TSPAN12: variants seen among roughly 807,000 people sequenced by gnomAD.
The protein encoded by TSPAN12 is tetraspanin-12.
TSPAN12 carries 19 observed loss-of-function variants against 39.2 expected under a neutral mutation model. The observed-to-expected ratio is 0.49, with a 90% CI of 0.34 to 0.71. The LOEUF (loss-of-function observed/expected upper bound fraction) is 0.71, where lower values mean the gene tolerates loss of function less well. Ranked by LOEUF, TSPAN12 falls within the 30% of genes least tolerant of loss-of-function variation. TSPAN12 has a pLI of 0.01. For synonymous variants in TSPAN12, 119 were observed against 124.8 expected (o/e 0.95, Z 0.31); for missense variants, 314 against 359.9 (o/e 0.87, Z 1.03).
At chr7:120,792,085 G>A (rs1266530186) in intron 7 of TSPAN12, among the ~76,000 whole-genome samples, 1 of 152,132 alleles carries the variant, frequency 6.6e-6, no homozygotes, top group Non-Finnish European at 1.5e-5. Context: ...AATCTCTTAG[G>A]AACAGCAAGT....
chr7:120,828,601 T>C (rs945802663), intron 4 of TSPAN12, among the ~76,000 whole-genome samples: 6 of 151,858 alleles, frequency 4.0e-5, no homozygotes, highest in African/African-American at 1.5e-4. Context: ...GGTCCCTTTG[T>C]TAAATGTTCT....
intron 7 of TSPAN12, among the ~76,000 whole-genome samples, chr7:120,795,794 T>C (rs1478428037): frequency 6.6e-6 from 1 of 152,208 alleles, no homozygotes; most frequent in African/African-American, 2.4e-5. Flanking sequence ...TCTCCACTGA[T>C]AATCTTAAGC....
chr7:120,854,910 AC>A (rs1376206780), intron 2 of TSPAN12, among the ~76,000 whole-genome samples: 1 of 152,160 alleles, frequency 6.6e-6, no homozygotes, highest in African/African-American at 2.4e-5. Flanking sequence ...ACCAGAACAC[AC>A]TCACACACAC....
chr7:120,792,848 C>T (rs1015892715), intron 7 of TSPAN12, among the ~76,000 whole-genome samples: 2 of 152,162 alleles, frequency 1.3e-5, no homozygotes, highest in Non-Finnish European at 2.9e-5. Flanking sequence ...TAAAGAAAAA[C>T]AGTTATAAGA....
intron 7 of TSPAN12, among the ~76,000 whole-genome samples, chr7:120,789,641 C>T (rs544554281): frequency 6.6e-6 from 1 of 152,164 alleles, no homozygotes; most frequent in Admixed American, 6.5e-5. Context: ...CTTTATATGA[C>T]ACAGTGATAC....
At chr7:120,837,553 C>G (rs1794502207) in intron 4 of TSPAN12, among the ~76,000 whole-genome samples, 2 of 152,154 alleles carry the variant, frequency 1.3e-5, no homozygotes, top group African/African-American at 4.8e-5. Flanking sequence ...ACCTCGTGAT[C>G]TGCCTGCCTC....
chr7:120,828,551 T>C (rs1794331307), intron 4 of TSPAN12, among the ~76,000 whole-genome samples: 1 of 152,044 alleles, frequency 6.6e-6, no homozygotes, highest in African/African-American at 2.4e-5. Context: ...TCACTGCCCC[T>C]TGCCCTTCTC....
At chr7:120,788,968 A>C in intron 7 of TSPAN12, 71 bp from the exon 8 acceptor site, 1 of 1,475,892 alleles carries the variant, frequency 6.8e-7, no homozygotes, top group Non-Finnish European at 9.4e-7. Context: ...TAATGAAAGC[A>C]AACAATCTGT....
At chr7:120,847,558 A>G (rs564763142) in intron 2 of TSPAN12, among the ~76,000 whole-genome samples, 2 of 152,188 alleles carry the variant, frequency 1.3e-5, no homozygotes, top group Non-Finnish European at 2.9e-5. Context: ...TCAATCCTTC[A>G]ATCATGTAAA....
In TSPAN12 at chr7:120,822,825, C is replaced by T. The variant is rs1229624701; in HGVS notation, c.286-7022G>A. Among the ~76,000 whole-genome samples, 3 of 152,066 alleles carry T rather than the reference C, an allele frequency of 2.0e-5. No individual in the cohort carries two copies. In the East Asian group the frequency reaches 5.8e-4, roughly 29 times the overall value. ...AATAGAGAGTCAGGATTGGGGACAG[C>T]AGGTATAGTAGATGACAAAGTACAG... is the stretch of plus-strand genomic sequence containing the variant. On this transcript the variant is annotated intron_variant, in intron 4 of 7. Coordinates refer to ENST00000222747, the MANE Select transcript of TSPAN12 (RefSeq NM_012338.4).
At chr7:120,852,504 C>CA (rs1242806064) in intron 2 of TSPAN12, among the ~76,000 whole-genome samples, 2 of 152,206 alleles carry the variant, frequency 1.3e-5, no homozygotes, top group East Asian at 1.9e-4. Flanking sequence ...GTGTGGCACT[C>CA]AGACCAGCAA....
intron 4 of TSPAN12, among the ~76,000 whole-genome samples, chr7:120,816,211 G>C (rs916884477): frequency 5.9e-5 from 9 of 152,116 alleles, no homozygotes; most frequent in Non-Finnish European, 1.2e-4. Context: ...TCTAGGCAAT[G>C]GGGGTTGGGG....
intron 7 of TSPAN12, among the ~76,000 whole-genome samples, chr7:120,790,479 G>A (rs145644692): frequency 3.4e-4 from 52 of 152,312 alleles, no homozygotes; most frequent in African/African-American, 9.9e-4. Context: ...TGATGTGTCA[G>A]TTCACAGATT....
intron 2 of TSPAN12, among the ~76,000 whole-genome samples, chr7:120,848,799 G>C (rs1794719587): frequency 6.6e-6 from 1 of 152,190 alleles, no homozygotes; most frequent in African/African-American, 2.4e-5. Flanking sequence ...TCTGAGAACA[G>C]TTTCATCCTC....
chr7:120,824,432 C>T (rs1794246454), intron 4 of TSPAN12, among the ~76,000 whole-genome samples: 1 of 151,658 alleles, frequency 6.6e-6, no homozygotes, highest in South Asian at 2.1e-4. Flanking sequence ...TAGAGCGAGA[C>T]TCCATTTCAA....
intron 4 of TSPAN12, among the ~76,000 whole-genome samples, chr7:120,836,793 A>G (rs1794485155): frequency 6.6e-6 from 1 of 152,198 alleles, no homozygotes; most frequent in African/African-American, 2.4e-5. Context: ...CACAAGTTTA[A>G]GATTTGCTCT....
At chr7:120,807,376 A>G (rs1033625403) in intron 6 of TSPAN12, among the ~76,000 whole-genome samples, 1 of 152,136 alleles carries the variant, frequency 6.6e-6, no homozygotes, top group African/African-American at 2.4e-5. Flanking sequence ...TTACTTTTTT[A>G]TCTTATTTCT....
Position 120,800,743 on chromosome 7 carries a change from C to CTT in TSPAN12, c.612+5805_612+5806insAA, listed in dbSNP as rs1204361347. ...CCTGCTGAAATAAAGTTTTCCTTAT[C>CTT]GTTTTTTTTTGTTTTTTTTTTTTGA... is the stretch of plus-strand genomic sequence containing the variant. On this transcript the variant is annotated intron_variant, in intron 7 of 7. Coordinates refer to ENST00000222747, the MANE Select transcript of TSPAN12 (RefSeq NM_012338.4). Among the ~76,000 whole-genome samples the CTT allele has an allele frequency of 3.0e-4, 25 of 84,248 alleles. 1 individual carries two copies. The highest frequency in any genetic ancestry group is 7.2e-4 in the East Asian group (2 of 2,782). 55.3% of individuals were successfully genotyped at this position (84,248 alleles called of 152,430 possible). A position where few individuals can be genotyped will look rare whatever the true frequency, so the allele number is the denominator to read the frequency against.
intron 7 of TSPAN12, among the ~76,000 whole-genome samples, chr7:120,806,307 G>T (rs1295024708): frequency 6.6e-6 from 1 of 151,998 alleles, no homozygotes; most frequent in South Asian, 2.1e-4. Context: ...AAACAAAACA[G>T]TTCAAAATCC....
Sources: gnomAD v4.1 joint callset for allele counts (sites outside exome capture counted in the v4.1 genomes callset) on GRCh38, gnomAD v4.1.1 for gene constraint, MANE v1.5 for transcripts, NCBI Gene and HGNC (gene_info 2026-07-23, HGNC 2026-07-21) for gene names.